Variants in RGS9 observed in about 807,000 individuals in gnomAD.
RGS9 encodes regulator of G protein signaling 9, also known as regulator of G-protein signalling 9.
In RGS9, 78 loss-of-function variants were observed where a neutral mutation model predicts 102.0. That is an observed-to-expected ratio of 0.76 (90% CI 0.64 to 0.92). RGS9 has a LOEUF of 0.92. Ranked by LOEUF, RGS9 falls within the 40% of genes least tolerant of loss-of-function variation. The pLI is 0.00. For synonymous variants in RGS9, 353 were observed against 318.6 expected (o/e 1.11, Z -1.15); for missense variants, 833 against 866.1 (o/e 0.96, Z 0.48).
At chr17:65,219,944 G>T (rs113665473) in intron 17 of RGS9, among the ~76,000 whole-genome samples, 4,340 of 145,962 alleles carry the variant, frequency 0.03, 202 homozygotes, top group African/African-American at 0.1. Context: ...TATCATCACC[G>T]CCATCCTCAC....
At chr17:65,145,276 A>G (rs1046884777) in intron 1 of RGS9, among the ~76,000 whole-genome samples, 2 of 151,518 alleles carry the variant, frequency 1.3e-5, no homozygotes, top group Non-Finnish European at 2.9e-5. Flanking sequence ...TATTTTTAGT[A>G]GAGATGGGGT....
At chr17:65,212,197 A>C (rs976646537) in intron 17 of RGS9, among the ~76,000 whole-genome samples, 4 of 152,254 alleles carry the variant, frequency 2.6e-5, no homozygotes, top group African/African-American at 9.6e-5. Flanking sequence ...TTCAAGGGGC[A>C]AGGAAATAGA....
intron 17 of RGS9, among the ~76,000 whole-genome samples, chr17:65,221,896 A>G (rs1913717234): frequency 6.6e-6 from 1 of 152,128 alleles, no homozygotes; most frequent in Non-Finnish European, 1.5e-5. Flanking sequence ...TCACCTCCCA[A>G]AGACCCCGCT....
At chr17:65,223,916 AT>A (rs113026923) in intron 17 of RGS9, among the ~76,000 whole-genome samples, 24,293 of 144,252 alleles carry the variant, frequency 0.17, 2,477 homozygotes, top group African/African-American at 0.3. Context: ...ACATCCAGCT[AT>A]TTTTTTTTTT....
chr17:65,225,368 G>T lies in RGS9; in HGVS notation c.1774G>T (p.Ala592Ser), dbSNP rs200037151. 1 of 1,611,874 alleles carries T rather than the reference G, an allele frequency of 6.2e-7. No individual in the cohort carries two copies. The highest frequency in any genetic ancestry group is 8.5e-7 in the Non-Finnish European group (1 of 1,180,026). Residue 592 changes from alanine (A) to serine (S), a missense_variant, in exon 18 of 19, where the codon GCC (alanine) becomes TCC (serine). Ala to Ser is a moderately conservative substitution (Grantham distance 99, BLOSUM62 1). Around this residue, in one of 3 missense-constraint regions of RGS9, gnomAD observed 320 missense variants for 276.8 expected, o/e 1.16. Transcript: ENST00000262406. ...CAGGTTTCTGAGACGAGGCTGTCTG[G>T]CCTCACCTGTCTTTGCCAGGCTCTC... ...FSRFLRRGCLASPVFARLSPK... is the reference protein window; with the variant it reads ...FSRFLRRGCLSSPVFARLSPK...
chr17:65,222,229 C>A (rs1290617412), intron 17 of RGS9, among the ~76,000 whole-genome samples: 1 of 152,182 alleles, frequency 6.6e-6, no homozygotes, highest in Admixed American at 6.5e-5. Flanking sequence ...GCCATGGAGA[C>A]CTTCTCCCCA....
chr17:65,148,567 A>G (rs1910457094), intron 1 of RGS9, among the ~76,000 whole-genome samples: 1 of 152,126 alleles, frequency 6.6e-6, no homozygotes. Context: ...ATCTCTTTCC[A>G]TTTCTGAATT....
chr17:65,148,511 G>T (rs1275079104), intron 1 of RGS9, among the ~76,000 whole-genome samples: 1 of 152,164 alleles, frequency 6.6e-6, no homozygotes, highest in Non-Finnish European at 1.5e-5. Context: ...CACAGCAGAT[G>T]CACCATTTTA....
chr17:65,170,300 G>A (rs1182602090), intron 8 of RGS9, among the ~76,000 whole-genome samples: 3 of 152,172 alleles, frequency 2.0e-5, no homozygotes, highest in East Asian at 1.9e-4. Flanking sequence ...TGATCTGCCT[G>A]CCTCGGCCTC....
At chr17:65,226,665 T>C (rs1905697537) in intron 18 of RGS9, among the ~76,000 whole-genome samples, 1 of 150,606 alleles carries the variant, frequency 6.6e-6, no homozygotes, top group South Asian at 2.1e-4. Context: ...CAAGCTGGAG[T>C]GCAGTGGTGT....
intron 17 of RGS9, among the ~76,000 whole-genome samples, chr17:65,220,705 T>C (rs73994758): frequency 0.072 from 10,899 of 152,246 alleles, 1,286 homozygotes; most frequent in African/African-American, 0.25. Context: ...CCAAGGTCTC[T>C]TTCAAATTCT....
Position 65,159,161 on chromosome 17 carries a change from C to G in RGS9, c.205+816C>G, listed in dbSNP as rs143975351. 9.2e-3 allele frequency among the ~76,000 whole-genome samples: 1,369 copies of G among 148,758 alleles called. 18 individuals are homozygous for G. The highest frequency in any genetic ancestry group is 0.032 in the African/African-American group (1,315 of 40,602). ...CCACTGAGCACCTTGTGACCCCCCA[C>G]TCCTGCCCGCCAGAGAACAACCCCC... On this transcript the variant is annotated intron_variant, in intron 3 of 18. Coordinates refer to ENST00000262406, the MANE Select transcript of RGS9 (RefSeq NM_003835.4).
rs1485382210 is a variant in RGS9 at position 65,202,442 on chromosome 17, TGTGA to T, written c.1064+364_1064+367del. ...GTGTGTGTGTGTGTGTGTGTGTGTG[TGTGA>T]GAGAGAGAGAGAGAGAGAGAGTGAG... On this transcript the variant is annotated intron_variant, in intron 14 of 18. Transcript: ENST00000262406. 1.1e-3 allele frequency among the ~76,000 whole-genome samples: 134 copies of T among 123,240 alleles called. 1 individual carries two copies. Among genetic ancestry groups the T allele is most frequent in the African/African-American group, 4.3e-3 (120 of 27,682 alleles). 80.9% of individuals were successfully genotyped at this position (123,240 alleles called of 152,430 possible).
chr17:65,210,092 C>T (rs925674), intron 16 of RGS9, among the ~76,000 whole-genome samples: 1 of 151,862 alleles, frequency 6.6e-6, no homozygotes, highest in Non-Finnish European at 1.5e-5. Flanking sequence ...GCCCACCCCC[C>T]AACCGCCCCA....
rs1912965884 is a variant in RGS9 at position 65,204,320 on chromosome 17, T to C, written c.1203+19T>C. The C allele has an allele frequency of 1.9e-6, 3 of 1,613,532 alleles. No individual in the cohort carries two copies. Among genetic ancestry groups the C allele is most frequent in the Non-Finnish European group, 2.5e-6 (3 of 1,179,808 alleles). On this transcript the variant is annotated intron_variant, in intron 15 of 18. Transcript: ENST00000262406. ...GAAGAAGGTAGGTGGGTCCGTGCTGTGGATACGGGGTCCAGATAGGCTTTC... is the reference window on the plus strand; with the variant it reads ...GAAGAAGGTAGGTGGGTCCGTGCTGCGGATACGGGGTCCAGATAGGCTTTC...
intron 15 of RGS9, among the ~76,000 whole-genome samples, chr17:65,206,538 C>T (rs543723564): frequency 1.3e-5 from 2 of 152,100 alleles, no homozygotes; most frequent in South Asian, 4.2e-4. Context: ...ATTAGCTGGG[C>T]GTGGTGGTGG....
At position 65,193,515 on chromosome 17, in the gene RGS9, AGGAAATCATTTTCTGTTTCCT is replaced by A; in HGVS notation, c.747-27_747-7del. On this transcript the variant is annotated splice_polypyrimidine_tract_variant and splice_region_variant and intron_variant, in intron 11 of 18. Transcript: ENST00000262406. ...GTCATATCTTGGGTGTCGAGCTTCT[AGGAAATCATTTTCTGTTTCCT>A]TTTCAGGATTGTGAAATACAGTGAG... 6.9e-7 allele frequency: 1 copy of A among 1,454,150 alleles called. No individual in the cohort carries two copies. The highest frequency in any genetic ancestry group is 9.7e-7 in the Non-Finnish European group (1 of 1,034,254). 90.1% of individuals were successfully genotyped at this position (1,454,150 alleles called of 1,614,324 possible).
chr17:65,153,227 G>A (rs1910645512), intron 1 of RGS9, among the ~76,000 whole-genome samples, 195 bp from the exon 2 acceptor site: 1 of 152,216 alleles, frequency 6.6e-6, no homozygotes, highest in Admixed American at 6.5e-5. Context: ...TGCAGGGATG[G>A]GATCTGTGTC....
intron 9 of RGS9, chr17:65,185,330 A>T (rs950163622): frequency 1.3e-5 from 2 of 152,284 alleles, no homozygotes; most frequent in African/African-American, 4.8e-5. Context: ...GCTTTCACAG[A>T]TGGAGTTTTT....
Sources: allele counts gnomAD v4.1 joint callset (sites outside exome capture counted in the v4.1 genomes callset), GRCh38; gene constraint gnomAD v4.1.1; regional missense constraint gnomAD v4.1.1; transcripts MANE v1.5; gene names NCBI Gene and HGNC (gene_info 2026-07-23, HGNC 2026-07-21).